The following WASF3 variants were observed in gnomAD, a reference collection of about 807,000 sequenced individuals.
WASF3 encodes actin-binding protein WASF3.
Under a neutral mutation model 46.6 loss-of-function variants are expected in WASF3, and 11 were observed. That is an observed-to-expected ratio of 0.24 (90% confidence interval 0.15 to 0.39). The LOEUF (loss-of-function observed/expected upper bound fraction) is 0.39, where lower values mean the gene tolerates loss of function less well. WASF3 is among the 10% of genes least tolerant of loss of function. The pLI, the probability that WASF3 is intolerant of heterozygous loss-of-function variation, is 1.00. For synonymous variants in WASF3, 242 were observed against 259.7 expected (o/e 0.93, Z 0.65); for missense variants, 576 against 669.8 (o/e 0.86, Z 1.55).
At chr13:26,628,171 G>A (rs192992602) in intron 2 of WASF3, among the ~76,000 whole-genome samples, 2 of 152,256 alleles carry the variant, frequency 1.3e-5, no homozygotes, top group East Asian at 1.9e-4. Context: ...ACCTGCGCTC[G>A]CCAATCCTGA....
intron 1 of WASF3, among the ~76,000 whole-genome samples, chr13:26,567,896 G>A (rs940152600): frequency 3.9e-5 from 6 of 152,202 alleles, no homozygotes; most frequent in African/African-American, 7.2e-5. Flanking sequence ...TGATAAGGTG[G>A]TCAGGGAAGC....
upstream of WASF3, among the ~76,000 whole-genome samples, chr13:26,556,939 C>T (rs1451311207): frequency 6.6e-6 from 1 of 150,956 alleles, no homozygotes; most frequent in Middle Eastern, 3.2e-3. Context: ...GCTTTTCTAT[C>T]TTGGCTTTTC....
intron 3 of WASF3, among the ~76,000 whole-genome samples, chr13:26,663,039 T>C (rs1037973169): frequency 1.3e-5 from 2 of 152,090 alleles, no homozygotes; most frequent in African/African-American, 2.4e-5. Flanking sequence ...CTAAAAGCTA[T>C]TGATGTAATT....
chr13:26,590,001 T>A (rs1432946644), intron 1 of WASF3, among the ~76,000 whole-genome samples: 1 of 152,260 alleles, frequency 6.6e-6, no homozygotes, highest in Non-Finnish European at 1.5e-5. Flanking sequence ...TTTGCTTTTC[T>A]ATGTGTAACT....
chr13:26,683,375 C>T (rs529412153), intron 9 of WASF3, among the ~76,000 whole-genome samples: 16 of 151,900 alleles, frequency 1.1e-4, no homozygotes, highest in African/African-American at 3.4e-4. Flanking sequence ...ACTCAGGAGG[C>T]TGAGGTGGGA....
Position 26,685,971 on chromosome 13 carries a change from C to T in WASF3, c.*126C>T. The T allele has an allele frequency of 7.7e-7, 1 of 1,307,042 alleles. No individual in the cohort carries two copies. The highest frequency in any genetic ancestry group is 1.6e-5 in the South Asian group (1 of 62,074). The allele number at this position is 1,307,042 out of a possible 1,614,324, so 81.0% of individuals were successfully genotyped here. A position where few individuals can be genotyped will look rare whatever the true frequency, so the allele number is the denominator to read the frequency against. ...TTGTATAAACAATGTGATATTGCTT[C>T]TGCACATCCAAAAATTCTGGGTCTT... On this transcript the variant is annotated 3_prime_UTR_variant, in exon 10 of 10. Transcript: ENST00000335327.
chr13:26,664,830 T>C (rs1179072234), intron 3 of WASF3, among the ~76,000 whole-genome samples, 198 bp from the exon 4 acceptor site: 1 of 152,242 alleles, frequency 6.6e-6, no homozygotes, highest in Non-Finnish European at 1.5e-5. Flanking sequence ...TTCTACAACA[T>C]TGAGTCAGTT....
the WASF3 span, among the ~76,000 whole-genome samples, chr13:26,549,898 T>C: frequency 1.6e-4 from 25 of 152,278 alleles, no homozygotes; most frequent in South Asian, 4.8e-3. Flanking sequence ...ATTTTCTTCC[T>C]GCCAAAAGCC....
chr13:26,643,558 G>A (rs1882063181), intron 3 of WASF3, among the ~76,000 whole-genome samples: 2 of 152,254 alleles, frequency 1.3e-5, no homozygotes, highest in Admixed American at 6.5e-5. Context: ...TTTGGTAGTG[G>A]TAATTGATAA....
At chr13:26,593,719 T>C (rs1165313135) in intron 1 of WASF3, among the ~76,000 whole-genome samples, 1 of 152,236 alleles carries the variant, frequency 6.6e-6, no homozygotes, top group African/African-American at 2.4e-5. Flanking sequence ...GGTACTAGCA[T>C]ATAGTAGGTA....
Position 26,676,569 on chromosome 13 carries a change from C to T in WASF3, c.561C>T (p.Gly187=), listed in dbSNP as rs1883073908. The T allele has an allele frequency of 6.2e-7, 1 of 1,613,978 alleles. No homozygotes were observed. The highest frequency in any genetic ancestry group is 8.5e-7 in the Non-Finnish European group (1 of 1,179,950). Residue 187 remains glycine (G), a synonymous_variant, in exon 7 of 10, where the codon GGC becomes GGT. Coordinates refer to ENST00000335327, the MANE Select transcript of WASF3 (RefSeq NM_006646.6). ...RRQKEQKRID[G]TTREVKKVRK... Reference sequence around the variant, plus strand: ...ATCAGGAGCAAAAGCGTATAGATGGCACCACCCGTGAGGTGAAAAAGGTTA... The same window carrying T: ...ATCAGGAGCAAAAGCGTATAGATGGTACCACCCGTGAGGTGAAAAAGGTTA...
chr13:26,580,359 G>A (rs945403864), intron 1 of WASF3, among the ~76,000 whole-genome samples: 5 of 152,094 alleles, frequency 3.3e-5, no homozygotes, highest in African/African-American at 1.2e-4. Flanking sequence ...AACACATACA[G>A]TTTTCTGCTT....
At position 26,641,547 on chromosome 13, in the gene WASF3, C is replaced by A. The variant is rs116451914; in HGVS notation, c.-10-714C>A. On this transcript the variant is annotated intron_variant, in intron 2 of 9. Transcript: ENST00000335327. ...ATAAGCCTCAAATCCATCCTCCTGA[C>A]CTACTAAAATTAGGGGTTTATGTAG... Among the ~76,000 whole-genome samples, 857 of 152,094 alleles carry A rather than the reference C, an allele frequency of 5.6e-3. 10 individuals carry two copies. Among genetic ancestry groups the A allele is most frequent in the African/African-American group, 0.02 (815 of 41,476 alleles).
chr13:26,598,516 C>G (rs1385205752), intron 1 of WASF3, among the ~76,000 whole-genome samples: 1 of 152,196 alleles, frequency 6.6e-6, no homozygotes, highest in Non-Finnish European at 1.5e-5. Flanking sequence ...TGAGGAATAT[C>G]TATCCCGGCA....
At chr13:26,615,887 T>C (rs1222615455) in intron 2 of WASF3, among the ~76,000 whole-genome samples, 1 of 152,198 alleles carries the variant, frequency 6.6e-6, no homozygotes, top group Non-Finnish European at 1.5e-5. Context: ...GTATGTAGTA[T>C]TTTCGTCTGG....
intron 7 of WASF3, among the ~76,000 whole-genome samples, chr13:26,678,293 T>TAAA (rs1315782106): frequency 6.6e-6 from 1 of 152,178 alleles, no homozygotes; most frequent in Non-Finnish European, 1.5e-5. Context: ...GTCACTTTTT[T>TAAA]ATTATAAAAT....
chr13:26,661,064 TTCACGAGGGA>T (rs1882615319), intron 3 of WASF3, among the ~76,000 whole-genome samples: 1 of 152,248 alleles, frequency 6.6e-6, no homozygotes, highest in Non-Finnish European at 1.5e-5. Flanking sequence ...CATTAGTCTA[TTCACGAGGGA>T]TCCACCCTTG....
At chr13:26,554,033 CTCTT>C (rs1196121879), upstream of WASF3, among the ~76,000 whole-genome samples, 379 of 79,986 alleles carry the variant, frequency 4.7e-3, 6 homozygotes, top group Middle Eastern at 7.6e-3. Flanking sequence ...TTCCTTCTTT[CTCTT>C]TCTTTCCTTC....
At chr13:26,676,477 T>G in intron 6 of WASF3, 72 bp from the exon 7 acceptor site, 3 of 1,535,120 alleles carry the variant, frequency 2.0e-6, no homozygotes, top group Non-Finnish European at 2.6e-6. Context: ...TTGTGCATTA[T>G]AACTGCATTT....
Sources: gnomAD v4.1 joint callset for allele counts (sites outside exome capture counted in the v4.1 genomes callset) on GRCh38, gnomAD v4.1.1 for gene constraint, MANE v1.5 for transcripts, NCBI Gene and HGNC (gene_info 2026-07-23, HGNC 2026-07-21) for gene names.